ZSCAN25: variants seen among roughly 807,000 people sequenced by gnomAD.
The protein encoded by ZSCAN25 is zinc finger and SCAN domain containing 25, also known as zinc finger and SCAN domain-containing protein 25.
A neutral mutation model predicts 38.7 loss-of-function variants in ZSCAN25; 27 were observed. The observed-to-expected ratio is 0.70, with a 90% CI of 0.51 to 0.96. The LOEUF (loss-of-function observed/expected upper bound fraction) is 0.96, where lower values mean the gene tolerates loss of function less well. ZSCAN25 is among the 40% of genes least tolerant of loss of function. ZSCAN25 has a pLI of 0.00. For synonymous variants in ZSCAN25, 273 were observed against 277.7 expected (o/e 0.98, Z 0.17); for missense variants, 637 against 705.9 (o/e 0.90, Z 1.11).
chr7:99,684,987 G>T, the ZSCAN25 span: 1 of 572,906 alleles, frequency 1.7e-6, no homozygotes, highest in Non-Finnish European at 3.1e-6. Flanking sequence ...CAGGGAGAGA[G>T]CTCAGTGCAT....
the ZSCAN25 span, among the ~76,000 whole-genome samples, chr7:99,675,663 C>T: frequency 6.4e-5 from 3 of 47,098 alleles, no homozygotes; most frequent in Non-Finnish European, 1.3e-4. Flanking sequence ...CCTCCCCTCC[C>T]CTCCCCTCTC....
At chr7:99,659,974 A>T in the ZSCAN25 span, 1 of 154,342 alleles carries the variant, frequency 6.5e-6, no homozygotes, top group Non-Finnish European at 1.4e-5. Context: ...GCTGTCCGTC[A>T]CCCCTAGGAA....
chr7:99,666,536 C>G, the ZSCAN25 span: 1 of 1,540,472 alleles, frequency 6.5e-7, no homozygotes, highest in South Asian at 1.1e-5. Flanking sequence ...CGACTGTCGA[C>G]TCCATGGCAG....
Position 99,629,382 on chromosome 7 carries a change from C to G in ZSCAN25, c.997C>G (p.Pro333Ala). 6.2e-7 allele frequency: 1 copy of G among 1,614,206 alleles called. No individual in the cohort carries two copies. The change falls in exon 8 of 8, where the codon CCC (proline) becomes GCC (alanine). Residue 333 changes from proline to alanine, a missense_variant. Coordinates refer to ENST00000394152, the MANE Select transcript of ZSCAN25 (RefSeq NM_145115.3). The surrounding 1 kb of genome is among the most constrained non-coding windows in gnomAD (Gnocchi z 5.6). ...TCCTCCTCCCCAGCACGGTGCCATC[C>G]CCCTGCCTGACGAAGTCAAAACCCA... ...GLPPPQHGAI[P>A]LPDEVKTHSS...
chr7:99,652,751 T>G, the ZSCAN25 span: 1 of 1,613,760 alleles, frequency 6.2e-7, no homozygotes, highest in East Asian at 2.2e-5. Context: ...GTACTCCATC[T>G]GTACCACGGC....
chr7:99,659,937 G>A, the ZSCAN25 span: 2 of 153,122 alleles, frequency 1.3e-5, no homozygotes, highest in African/African-American at 4.8e-5. Flanking sequence ...CGCAGTATTA[G>A]GGTGGGAGTG....
At chr7:99,622,710 C>A in intron 6 of ZSCAN25, 70 bp downstream of exon 6, 1 of 1,444,882 alleles carries the variant, frequency 6.9e-7, no homozygotes, top group Non-Finnish European at 9.7e-7. Context: ...CCCAAGGTTT[C>A]TCTGCACAAC....
At chr7:99,721,560 C>T in the ZSCAN25 span, among the ~76,000 whole-genome samples, 7 of 152,172 alleles carry the variant, frequency 4.6e-5, no homozygotes, top group South Asian at 6.2e-4. Flanking sequence ...CTGGACAGAA[C>T]GTGATGCTGG....
At chr7:99,720,392 G>A in the ZSCAN25 span, 1 of 1,613,670 alleles carries the variant, frequency 6.2e-7, no homozygotes, top group Admixed American at 1.7e-5. Flanking sequence ...AGCCAGCATA[G>A]GCTGTTGACA....
the ZSCAN25 span, among the ~76,000 whole-genome samples, chr7:99,641,069 A>G: frequency 3.9e-5 from 6 of 152,190 alleles, no homozygotes; most frequent in Non-Finnish European, 4.4e-5. Context: ...GAGAGCTTTT[A>G]GATAGAGATT....
At chr7:99,632,989 G>GTTGTTTTTTTTTTT (rs1554412109), downstream of ZSCAN25, among the ~76,000 whole-genome samples, 7 of 128,518 alleles carry the variant, frequency 5.4e-5, no homozygotes, top group African/African-American at 2.1e-4. Flanking sequence ...ATTTTCTGTT[G>GTTGTTTTTTTTTTT]TTTTTTTTTT....
At chr7:99,695,622 T>A in the ZSCAN25 span, 1 of 799,474 alleles carries the variant, frequency 1.3e-6, no homozygotes, top group South Asian at 1.6e-5. Context: ...GGATGATGCC[T>A]ATACACTGTT....
the ZSCAN25 span, among the ~76,000 whole-genome samples, chr7:99,727,805 T>C: frequency 6.6e-6 from 1 of 152,224 alleles, no homozygotes; most frequent in Non-Finnish European, 1.5e-5. Flanking sequence ...TCAATATTTA[T>C]ACTGACTCTA....
At chr7:99,674,670 C>A in the ZSCAN25 span, 1 of 1,138,260 alleles carries the variant, frequency 8.8e-7, no homozygotes, top group Non-Finnish European at 1.3e-6. Flanking sequence ...ACAGTTGCGT[C>A]CAATGAAATC....
Position 99,630,541 on chromosome 7 carries a change from G to A in ZSCAN25, c.*521G>A. 1 of 989,276 alleles carries A rather than the reference G, an allele frequency of 1.0e-6. No homozygotes were observed. The highest frequency in any genetic ancestry group is 1.2e-6 in the Non-Finnish European group (1 of 832,548). The allele number at this position is 989,276 out of a possible 1,614,324, so 61.3% of individuals were successfully genotyped here. ...CCTCTGGGGGTTGTGCGTTGGGGAT[G>A]CATGCGACAGCCCATGACCCGAGGC... On this transcript the variant is annotated 3_prime_UTR_variant, in exon 8 of 8. Transcript: ENST00000394152.
the ZSCAN25 span, among the ~76,000 whole-genome samples, chr7:99,726,860 C>T: frequency 6.6e-6 from 1 of 152,194 alleles, no homozygotes; most frequent in African/African-American, 2.4e-5. Flanking sequence ...CCGTTACGTA[C>T]CTCAGCATAA....
the ZSCAN25 span, among the ~76,000 whole-genome samples, chr7:99,689,600 C>T: frequency 2.6e-5 from 4 of 152,158 alleles, no homozygotes; most frequent in Non-Finnish European, 5.9e-5. Flanking sequence ...GCAACTTCAG[C>T]AAAGTCTCAG....
In ZSCAN25 at chr7:99,622,632, G is replaced by T; in HGVS notation, c.673G>T (p.Gly225Ter). The stretch of plus-strand genomic sequence containing the variant: ...GATGGCAGCTGGGTTCTTTACTGCT[G>T]GATCGCAGGTGAGCTCTGACTCCCT... ...QEMAAGFFTA[G>*]SQGLGPFKDM... The change falls in exon 6 of 8, where the codon GGA becomes TGA. Residue 225 changes from glycine (G) to a stop codon, truncating the protein, a stop_gained. Coordinates refer to ENST00000394152, the MANE Select transcript of ZSCAN25 (RefSeq NM_145115.3). LOFTEE classifies it high-confidence loss of function. The T allele has an allele frequency of 6.2e-7, 1 of 1,614,082 alleles. No individual in the cohort carries two copies. Among genetic ancestry groups the T allele is most frequent in the Non-Finnish European group, 8.5e-7 (1 of 1,179,986 alleles).
chr7:99,706,624 A>G, the ZSCAN25 span, among the ~76,000 whole-genome samples: 3 of 152,244 alleles, frequency 2.0e-5, no homozygotes, highest in Non-Finnish European at 4.4e-5. Context: ...AAGGTTCCAA[A>G]TCTTTCTATA....
Sources: allele counts gnomAD v4.1 joint callset (sites outside exome capture counted in the v4.1 genomes callset), GRCh38; gene constraint gnomAD v4.1.1; non-coding constraint Gnocchi (gnomAD v3.1); transcripts MANE v1.5; gene names NCBI Gene and HGNC (gene_info 2026-07-23, HGNC 2026-07-21).